The following INPP4B variants were observed in gnomAD, a reference collection of about 807,000 sequenced individuals.
INPP4B encodes the protein inositol polyphosphate-4-phosphatase type II B.
INPP4B carries 55 observed loss-of-function variants against 122.5 expected under a neutral mutation model. The observed-to-expected ratio is 0.45, with a 90% CI of 0.36 to 0.56. INPP4B has a LOEUF of 0.56. Among genes scored for constraint, INPP4B ranks in the 20% least tolerant of loss-of-function variants. INPP4B has a pLI of 0.00. For synonymous variants in INPP4B, 403 were observed against 388.7 expected (o/e 1.04, Z -0.43); for missense variants, 1,000 against 1,097.7 (o/e 0.91, Z 1.26).
chr4:142,061,756 T>TAAA (rs1760738722), intron 25 of INPP4B, among the ~76,000 whole-genome samples: 1 of 151,032 alleles, frequency 6.6e-6, no homozygotes, highest in Non-Finnish European at 1.5e-5. Context: ...TTTAAAGAAT[T>TAAA]TTTATATATT....
intron 12 of INPP4B, among the ~76,000 whole-genome samples, chr4:142,223,002 A>G (rs1850006141): frequency 6.7e-6 from 1 of 149,636 alleles, no homozygotes; most frequent in Non-Finnish European, 1.5e-5. Flanking sequence ...TCTGTGAACT[A>G]CATTTTTTTT....
chr4:142,148,416 G>C (rs1811956960), intron 17 of INPP4B, among the ~76,000 whole-genome samples: 1 of 151,996 alleles, frequency 6.6e-6, no homozygotes, highest in African/African-American at 2.4e-5. Flanking sequence ...GTTTTACTAT[G>C]TTGCCCAGGC....
At chr4:142,097,085 A>G (rs1782141980) in intron 23 of INPP4B, among the ~76,000 whole-genome samples, 1 of 152,088 alleles carries the variant, frequency 6.6e-6, no homozygotes, top group Non-Finnish European at 1.5e-5. Context: ...GCTATTTTAA[A>G]TAAAATTAAT....
chr4:142,344,609 G>A (rs746590624), intron 7 of INPP4B, among the ~76,000 whole-genome samples: 45 of 151,994 alleles, frequency 3.0e-4, no homozygotes, highest in Non-Finnish European at 5.6e-4. Context: ...TTGACAATAT[G>A]ATAAGGGCCC....
intron 1 of INPP4B, among the ~76,000 whole-genome samples, chr4:142,803,973 C>T (rs915187960): frequency 9.9e-5 from 15 of 151,772 alleles, no homozygotes; most frequent in African/African-American, 3.6e-4. Context: ...GCAGGAGAAT[C>T]GCTTGAACCC....
At chr4:142,620,512 G>A (rs77059223) in intron 2 of INPP4B, among the ~76,000 whole-genome samples, 3,037 of 152,044 alleles carry the variant, frequency 0.02, 49 homozygotes, top group Non-Finnish European at 0.031. Context: ...TGAGGATGGA[G>A]TGGGGGAGGA....
At chr4:142,822,558 T>C (rs1489883432) in intron 1 of INPP4B, among the ~76,000 whole-genome samples, 1 of 152,136 alleles carries the variant, frequency 6.6e-6, no homozygotes, top group African/African-American at 2.4e-5. Context: ...ATGCACTCCT[T>C]ATGAGAATCT....
chr4:142,809,149 C>G (rs1270917268), intron 1 of INPP4B, among the ~76,000 whole-genome samples: 3 of 151,884 alleles, frequency 2.0e-5, no homozygotes, highest in Non-Finnish European at 4.4e-5. Context: ...GTTAAAAAAG[C>G]ATGAGGGAAA....
intron 1 of INPP4B, among the ~76,000 whole-genome samples, chr4:142,801,777 G>A (rs1181262306): frequency 1.3e-5 from 2 of 152,102 alleles, no homozygotes; most frequent in Non-Finnish European, 2.9e-5. Flanking sequence ...TCAGTATTTG[G>A]GAAGGTACAG....
chr4:142,818,044 A>G (rs1435384119), intron 1 of INPP4B, among the ~76,000 whole-genome samples: 2 of 152,152 alleles, frequency 1.3e-5, no homozygotes, highest in Non-Finnish European at 2.9e-5. Context: ...GTAACAAGAA[A>G]GCAACAGGAT....
chr4:142,589,487 CA>C (rs1172044521), intron 2 of INPP4B, among the ~76,000 whole-genome samples: 2 of 151,690 alleles, frequency 1.3e-5, no homozygotes, highest in Admixed American at 6.6e-5. Flanking sequence ...GATAGCTCAT[CA>C]AAAAAAGGAA....
At chr4:142,656,320 A>G (rs901606967) in intron 2 of INPP4B, among the ~76,000 whole-genome samples, 1 of 152,212 alleles carries the variant, frequency 6.6e-6, no homozygotes, top group Non-Finnish European at 1.5e-5. Flanking sequence ...TCTGTAGCAG[A>G]ACTAAGGAAA....
At chr4:142,391,679 T>C in intron 7 of INPP4B, among the ~76,000 whole-genome samples, 1 of 152,178 alleles carries the variant, frequency 6.6e-6, no homozygotes. Flanking sequence ...AAAGCTATTG[T>C]TATTAAAAGT....
intron 25 of INPP4B, among the ~76,000 whole-genome samples, chr4:142,069,114 G>A (rs1765423466): frequency 1.3e-5 from 2 of 152,134 alleles, no homozygotes; most frequent in Non-Finnish European, 2.9e-5. Context: ...TAAAAGAACA[G>A]AAATTATAAC....
At chr4:142,314,824 A>G in intron 7 of INPP4B, 62 bp from the exon 8 acceptor site, 1 of 1,351,614 alleles carries the variant, frequency 7.4e-7, no homozygotes, top group Non-Finnish European at 1.0e-6. Flanking sequence ...AGCCTCGCAC[A>G]GGTGCTGGGT....
chr4:142,112,790 G>T, intron 21 of INPP4B, 108 bp from the exon 22 acceptor site: 2 of 980,830 alleles, frequency 2.0e-6, no homozygotes, highest in South Asian at 1.8e-5. Flanking sequence ...CACTGATTTA[G>T]GTTTCTGTTG....
intron 4 of INPP4B, among the ~76,000 whole-genome samples, chr4:142,429,591 AT>A (rs1261881277): frequency 6.6e-6 from 1 of 151,810 alleles, no homozygotes. Context: ...TCTTAAATGG[AT>A]TTTTTTTCCA....
At chr4:142,675,928 A>T (rs917734786) in intron 2 of INPP4B, among the ~76,000 whole-genome samples, 3 of 152,194 alleles carry the variant, frequency 2.0e-5, no homozygotes, top group Non-Finnish European at 4.4e-5. Flanking sequence ...TCCCTTTGAA[A>T]ACTGGTACAA....
intron 1 of INPP4B, among the ~76,000 whole-genome samples, chr4:142,837,730 G>A (rs1411115364): frequency 6.6e-6 from 1 of 152,128 alleles, no homozygotes; most frequent in Non-Finnish European, 1.5e-5. Context: ...AGAATGAAAT[G>A]AGTGCAAGCT....
Sources: allele counts gnomAD v4.1 joint callset (sites outside exome capture counted in the v4.1 genomes callset), GRCh38; gene constraint gnomAD v4.1.1; transcripts MANE v1.5; gene names NCBI Gene and HGNC (gene_info 2026-07-23, HGNC 2026-07-21).